The following RUFY1 variants were observed in gnomAD, a reference collection of about 807,000 sequenced individuals.
RUFY1 encodes RUN and FYVE domain containing 1.
A neutral mutation model predicts 94.6 loss-of-function variants in RUFY1; 54 were observed. The ratio of observed to expected loss-of-function variants is 0.57; its 90% CI spans 0.46 to 0.72. The LOEUF (loss-of-function observed/expected upper bound fraction) is 0.72, where lower values mean the gene tolerates loss of function less well. RUFY1 is among the 30% of genes least tolerant of loss of function. The probability of loss-of-function intolerance (pLI) is 0.00; values close to 1 mark genes in which losing one functional copy is unlikely to be tolerated. For missense variants in RUFY1, 883 were observed against 883.9 expected, an observed-to-expected ratio of 1.00 and a Z score of 0.01; for synonymous variants, 396 against 347.3, an observed-to-expected ratio of 1.14 and a Z score of -1.56.
chr5:179,607,553 T>C, intron 16 of RUFY1, 29 bp from the exon 17 acceptor site: 1 of 1,605,640 alleles, frequency 6.2e-7, no homozygotes. Flanking sequence ...AGACAGAAAG[T>C]GGATTCTAGA....
intron 5 of RUFY1, among the ~76,000 whole-genome samples, chr5:179,575,045 A>G (rs1581466233): frequency 1.7e-5 from 2 of 118,626 alleles, no homozygotes; most frequent in South Asian, 6.7e-4. Context: ...CCCCCGCCCC[A>G]GCCGCAGTCC....
At chr5:179,577,531 G>A (rs915326705) in intron 6 of RUFY1, among the ~76,000 whole-genome samples, 122 of 150,418 alleles carry the variant, frequency 8.1e-4, no homozygotes, top group Non-Finnish European at 7.7e-4. Context: ...CCGGGTCTCC[G>A]GACGGAAATT....
At chr5:179,579,657 C>CTTTTTTTTTCTTTTTTTTTTTT (rs1763946164) in intron 6 of RUFY1, among the ~76,000 whole-genome samples, 1 of 50,548 alleles carries the variant, frequency 2.0e-5, no homozygotes, top group Non-Finnish European at 3.8e-5. Flanking sequence ...TTTTCTTCTT[C>CTTTTTTTTTCTTTTTTTTTTTT]TTTTTTTTTT....
At position 179,561,678 on chromosome 5, in the gene RUFY1, CTTT is replaced by C. The variant is rs71001004; in HGVS notation, c.485-846_485-844del. On this transcript the variant is annotated intron_variant, in intron 2 of 17. Transcript: ENST00000319449. Reference sequence around the variant, plus strand: ...CTATAAGGCAACTGTTTTTTTCTTTCTTTTTTTTTTTTTTTTTTTTTTTTTGAA... The same window carrying C: ...CTATAAGGCAACTGTTTTTTTCTTTCTTTTTTTTTTTTTTTTTTTTTTGAA... Among the ~76,000 whole-genome samples, 30 of 64,600 alleles carry C rather than the reference CTTT, an allele frequency of 4.6e-4. No individual in the cohort carries two copies. In the South Asian group the frequency reaches 6.0e-3, roughly 13 times the overall value. 42.4% of individuals were successfully genotyped at this position (64,600 alleles called of 152,430 possible).
chr5:179,600,998 G>A (rs2127569575), intron 14 of RUFY1, among the ~76,000 whole-genome samples: 1 of 151,916 alleles, frequency 6.6e-6, no homozygotes, highest in Non-Finnish European at 1.5e-5. Flanking sequence ...GCCCAGCTGA[G>A]GGTAACTATT....
At chr5:179,557,035 T>A (rs1279291054) in intron 1 of RUFY1, among the ~76,000 whole-genome samples, 1 of 152,180 alleles carries the variant, frequency 6.6e-6, no homozygotes, top group East Asian at 1.9e-4. Context: ...CTTATTTTCA[T>A]TCAAAGCAAA....
Position 179,608,566 on chromosome 5 carries a change from C to A in RUFY1, c.1984-810C>A, listed in dbSNP as rs551589347. ...AGCAAAGAGAACGAACCAGACTCTTCCTGTAACATGGACTAGCAGCTCACT... is the reference window on the plus strand; with the variant it reads ...AGCAAAGAGAACGAACCAGACTCTTACTGTAACATGGACTAGCAGCTCACT... On this transcript the variant is annotated intron_variant, in intron 17 of 17. Transcript: ENST00000319449. The A allele has an allele frequency of 5.1e-6, 5 of 985,368 alleles. No individual in the cohort carries two copies. The East Asian group carries it at 5.7e-4, about 112-fold the overall frequency. The allele number at this position is 985,368 out of a possible 1,614,324, so 61.0% of individuals were successfully genotyped here.
intron 2 of RUFY1, among the ~76,000 whole-genome samples, chr5:179,560,482 G>C (rs938709333): frequency 6.6e-6 from 1 of 152,110 alleles, no homozygotes; most frequent in Non-Finnish European, 1.5e-5. Context: ...CACTTTGGGA[G>C]GCCAAGGCGG....
In RUFY1 at chr5:179,596,679, A is replaced by G. The variant is rs1163081037; in HGVS notation, c.1629A>G (p.Gln543=). 9.5e-6 allele frequency: 15 copies of G among 1,579,734 alleles called. No individual in the cohort carries two copies. The highest frequency in any genetic ancestry group is 1.3e-5 in the Non-Finnish European group (15 of 1,161,936). ...LQLQLSQLHE[Q]CSSLEKELKS... Reference sequence around the variant, plus strand: ...TGCAGCTCTCCCAGCTGCACGAGCAATGGTAGGGGCCCTGCAGGGAGCCTG... The same window carrying G: ...TGCAGCTCTCCCAGCTGCACGAGCAGTGGTAGGGGCCCTGCAGGGAGCCTG... The change falls in exon 13 of 18, where the codon CAA becomes CAG. Residue 543 remains glutamine, a splice_region_variant and synonymous_variant. Transcript: ENST00000319449.
intron 6 of RUFY1, among the ~76,000 whole-genome samples, chr5:179,580,231 GTGTGTGTGTGTA>G (rs1562021723): frequency 3.3e-5 from 2 of 61,042 alleles, no homozygotes; most frequent in African/African-American, 1.2e-4. Flanking sequence ...GTGTGTGTGT[GTGTGTGTGTGTA>G]TATTTTTTTT....
At chr5:179,597,539 T>C (rs1249305218) in intron 13 of RUFY1, among the ~76,000 whole-genome samples, 1 of 152,036 alleles carries the variant, frequency 6.6e-6, no homozygotes. Context: ...CCCAGCCTAA[T>C]TTTTGTATTT....
At chr5:179,575,551 G>A (rs1468747164) in intron 5 of RUFY1, among the ~76,000 whole-genome samples, 1 of 152,138 alleles carries the variant, frequency 6.6e-6, no homozygotes, top group African/African-American at 2.4e-5. Flanking sequence ...CCTAGCTGCA[G>A]AAGTCACACG....
At chr5:179,559,863 G>A (rs1169370384) in intron 1 of RUFY1, 162 bp from the exon 2 acceptor site, 2 of 1,417,080 alleles carry the variant, frequency 1.4e-6, no homozygotes, top group African/African-American at 2.9e-5. Context: ...CTAGGGATCA[G>A]GGACTACTTA....
chr5:179,605,386 G>A (rs1463907435), intron 15 of RUFY1, among the ~76,000 whole-genome samples: 3 of 152,004 alleles, frequency 2.0e-5, no homozygotes. Flanking sequence ...TGTCTCTTGT[G>A]TAAACAAAGG....
At chr5:179,559,570 C>T (rs1476830286) in intron 1 of RUFY1, 2 of 737,870 alleles carry the variant, frequency 2.7e-6, no homozygotes, top group Non-Finnish European at 3.3e-6. Context: ...CCCACCAGCT[C>T]CGTAGGAGAG....
At position 179,609,693 on chromosome 5, in the gene RUFY1, G is replaced by A. The variant is rs10072198; in HGVS notation, c.*174G>A. On this transcript the variant is annotated 3_prime_UTR_variant, in exon 18 of 18. Coordinates refer to ENST00000319449, the MANE Select transcript of RUFY1 (RefSeq NM_025158.5). ...GAACCGGCAGCTCTCACCTTTCTGT[G>A]ACTTGTTCGGAATTAACTCCTCTGG... 0.014 allele frequency: 7,925 copies of A among 584,770 alleles called. 498 individuals carry two copies. The highest frequency in any genetic ancestry group is 0.13 in the African/African-American group (7,064 of 52,556). The allele number at this position is 584,770 out of a possible 1,614,324, so 36.2% of individuals were successfully genotyped here.
intron 3 of RUFY1, 58 bp from the exon 4 acceptor site, chr5:179,567,403 T>C (rs1762907974): frequency 7.9e-7 from 1 of 1,267,166 alleles, no homozygotes; most frequent in Non-Finnish European, 1.2e-6. Flanking sequence ...AAATCAGGTG[T>C]CTTTTCTGTG....
At chr5:179,559,732 A>C in intron 1 of RUFY1, 1 of 1,099,836 alleles carries the variant, frequency 9.1e-7, no homozygotes, top group East Asian at 6.0e-5. Context: ...AAACGCGGCG[A>C]GTCTTGCTAA....
chr5:179,598,560 G>C (rs1183304862), intron 13 of RUFY1, 132 bp from the exon 14 acceptor site: 2 of 992,650 alleles, frequency 2.0e-6, no homozygotes, highest in Non-Finnish European at 3.1e-6. Context: ...GGAGAGGGAA[G>C]CGTTGCCGAA....
Sources: gnomAD v4.1 joint callset for allele counts (sites outside exome capture counted in the v4.1 genomes callset) on GRCh38, gnomAD v4.1.1 for gene constraint, MANE v1.5 for transcripts, NCBI Gene and HGNC (gene_info 2026-07-23, HGNC 2026-07-21) for gene names.